Variants in GDNF observed in about 807,000 individuals in gnomAD.
The protein encoded by GDNF is glial cell line-derived neurotrophic factor.
In GDNF, 5 loss-of-function variants were observed where a neutral mutation model predicts 13.7. That is an observed-to-expected ratio of 0.36 (90% confidence interval 0.19 to 0.77). GDNF has a LOEUF of 0.77. GDNF is among the 30% of genes least tolerant of loss of function. The pLI is 0.51. For missense variants in GDNF, 246 were observed against 274.3 expected (o/e 0.90, Z 0.73); for synonymous variants, 122 against 112.5 (o/e 1.08, Z -0.53).
intron 2 of GDNF, among the ~76,000 whole-genome samples, 161 bp from the exon 3 acceptor site, chr5:37,816,296 CA>C (rs1156618822): frequency 2.0e-5 from 3 of 152,208 alleles, no homozygotes; most frequent in African/African-American, 4.8e-5. Context: ...AAAACAGAGG[CA>C]AAAATGCACA....
chr5:37,817,233 G>A (rs1437335995), intron 2 of GDNF, among the ~76,000 whole-genome samples: 1 of 152,182 alleles, frequency 6.6e-6, no homozygotes, highest in African/African-American at 2.4e-5. Context: ...TTCAGTGTTT[G>A]CTTTGGCCAA....
At chr5:37,828,803 T>C (rs1750421726) in intron 2 of GDNF, among the ~76,000 whole-genome samples, 1 of 152,250 alleles carries the variant, frequency 6.6e-6, no homozygotes, top group South Asian at 2.1e-4. Flanking sequence ...AGGTGCTAGG[T>C]CATTAACTTT....
rs923631131 is a variant in GDNF, at chr5:37,839,457, C to G, written c.-27+50G>C. On this transcript the variant is annotated intron_variant, in intron 1 of 2. Coordinates refer to ENST00000326524, the MANE Select transcript of GDNF (RefSeq NM_000514.4). The surrounding 1 kb of genome is among the most constrained non-coding windows in gnomAD (Gnocchi z 5.5). Reference sequence around the variant, plus strand: ...CCCTTCAGCCGGCCGCACCCACCCGCGACGCAGGCACCACCCGCTCCCTGC... The same window carrying G: ...CCCTTCAGCCGGCCGCACCCACCCGGGACGCAGGCACCACCCGCTCCCTGC... 1 of 153,126 alleles carries G rather than the reference C, an allele frequency of 6.5e-6. No homozygotes were observed. The highest frequency in any genetic ancestry group is 1.5e-5 in the Non-Finnish European group (1 of 68,820). 9.5% of individuals were successfully genotyped at this position (153,126 alleles called of 1,614,324 possible).
intron 2 of GDNF, among the ~76,000 whole-genome samples, chr5:37,830,842 G>A (rs1293896062): frequency 6.6e-6 from 1 of 152,208 alleles, no homozygotes; most frequent in Non-Finnish European, 1.5e-5. Context: ...AAGTGGCAAG[G>A]CTGGGGTCCA....
In GDNF at chr5:37,814,412, TGA is replaced by T. The variant is rs1749838163; in HGVS notation, c.*1237_*1238del. The T allele has an allele frequency of 6.6e-6, 1 of 152,322 alleles. No individual in the cohort carries two copies. The highest frequency in any genetic ancestry group is 2.4e-5 in the African/African-American group (1 of 41,462). 9.4% of individuals were successfully genotyped at this position (152,322 alleles called of 1,614,324 possible). On this transcript the variant is annotated 3_prime_UTR_variant, in exon 3 of 3. Transcript: ENST00000326524. ...GCTGCTCCAGGAAAGGGGGCTTGCCTGAGATGCTCCACAAATAAAAATTGGGA... is the reference window on the plus strand; with the variant it reads ...GCTGCTCCAGGAAAGGGGGCTTGCCTGATGCTCCACAAATAAAAATTGGGA...
chr5:37,836,187 G>A (rs983559192), intron 1 of GDNF, among the ~76,000 whole-genome samples: 18 of 147,876 alleles, frequency 1.2e-4, no homozygotes, highest in Admixed American at 2.7e-4. Flanking sequence ...ACGGTTCTTA[G>A]GAAAAACTCG....
intron 2 of GDNF, among the ~76,000 whole-genome samples, chr5:37,824,920 T>C (rs1750256138): frequency 6.6e-6 from 1 of 152,264 alleles, no homozygotes; most frequent in Admixed American, 6.5e-5. Context: ...CATCGATTTA[T>C]TTGAAAAGTA....
chr5:37,815,764 C>T lies in GDNF; in HGVS notation c.523G>A (p.Gly175Arg), dbSNP rs1386236780. 1.2e-6 allele frequency: 2 copies of T among 1,614,058 alleles called. No individual in the cohort carries two copies. The change falls in exon 3 of 3, where the codon GGG becomes AGG. Residue 175 changes from glycine (G) to arginine (R), a missense_variant. Coordinates refer to ENST00000326524, the MANE Select transcript of GDNF (RefSeq NM_000514.4). This position sits in a 1 kb window ranked among gnomAD's most constrained non-coding sequence, Gnocchi z 5.0. The stretch of plus-strand genomic sequence containing the variant: ...GCGATGGGTCTGCAACATGCCTGCC[C>T]TACTTTGTCACTCACCAGCCTTCTA... ...RNRRLVSDKV[G>R]QACCRPIAFD...
At chr5:37,834,907 C>T in intron 1 of GDNF, 85 bp from the exon 2 acceptor site, 2 of 1,242,000 alleles carry the variant, frequency 1.6e-6, no homozygotes, top group Non-Finnish European at 2.3e-6. Flanking sequence ...CGCCCCTCTC[C>T]AACCTCGTCA....
At chr5:37,835,711 T>G in intron 1 of GDNF, 2 of 1,489,306 alleles carry the variant, frequency 1.3e-6, no homozygotes, top group Non-Finnish European at 1.8e-6. Context: ...CTCTCTTGAC[T>G]GGATTTTTGC....
At position 37,815,936 on chromosome 5, in the gene GDNF, AC is replaced by A; in HGVS notation, c.350del (p.Gly117ValfsTer4). 6.2e-7 allele frequency: 1 copy of A among 1,614,074 alleles called. No homozygotes were observed. Among genetic ancestry groups the A allele is most frequent in the Non-Finnish European group, 8.5e-7 (1 of 1,180,006 alleles). ...GRRGQRGKNR[G>X]CVLTAIHLNV... Reference sequence around the variant, plus strand: ...TTAAATGTATTGCAGTTAAGACACAACCCCGGTTTTTGCCCCTCTGGCCTCT... The same window carrying A: ...TTAAATGTATTGCAGTTAAGACACAACCCGGTTTTTGCCCCTCTGGCCTCT... On this transcript the variant is annotated frameshift_variant, in exon 3 of 3. Coordinates refer to ENST00000326524, the MANE Select transcript of GDNF (RefSeq NM_000514.4). LOFTEE classifies it high-confidence loss of function. This position sits in a 1 kb window ranked among gnomAD's most constrained non-coding sequence, Gnocchi z 5.0.
intron 2 of GDNF, among the ~76,000 whole-genome samples, chr5:37,821,842 C>T (rs114350614): frequency 1.1e-4 from 16 of 152,210 alleles, no homozygotes; most frequent in African/African-American, 3.9e-4. Context: ...CCAAGTCCTC[C>T]CTGTAATAGC....
In GDNF at chr5:37,813,434, A is replaced by T. The variant is rs1749795598; in HGVS notation, c.*2217T>A. 1 of 152,124 alleles carries T rather than the reference A, an allele frequency of 6.6e-6. No individual in the cohort carries two copies. 9.4% of individuals were successfully genotyped at this position (152,124 alleles called of 1,614,324 possible). A position where few individuals can be genotyped will look rare whatever the true frequency, so the allele number is the denominator to read the frequency against. The stretch of plus-strand genomic sequence containing the variant: ...TCCTTAATGAAAATCCCTTTTATGA[A>T]ATGCGTAACAAGCTGTAATACAGGG... On this transcript the variant is annotated 3_prime_UTR_variant, in exon 3 of 3. Transcript: ENST00000326524.
At chr5:37,828,679 A>G (rs948983311) in intron 2 of GDNF, among the ~76,000 whole-genome samples, 1 of 152,214 alleles carries the variant, frequency 6.6e-6, no homozygotes, top group Admixed American at 6.5e-5. Context: ...ACAACTCTCT[A>G]GGTCTCCTTT....
chr5:37,823,978 G>C (rs1451993999), intron 2 of GDNF: 1 of 792,268 alleles, frequency 1.3e-6, no homozygotes, highest in Non-Finnish European at 1.5e-6. Flanking sequence ...AGGTATTTTA[G>C]AACTCTGCAG....
intron 2 of GDNF, among the ~76,000 whole-genome samples, chr5:37,833,915 A>G (rs1581590770): frequency 6.6e-6 from 1 of 152,240 alleles, no homozygotes; most frequent in Non-Finnish European, 1.5e-5. Flanking sequence ...CTTCTAAAAC[A>G]TGTTAATTTT....
chr5:37,836,561 G>T (rs1259026158), intron 1 of GDNF, among the ~76,000 whole-genome samples: 7 of 152,176 alleles, frequency 4.6e-5, no homozygotes, highest in African/African-American at 1.7e-4. Context: ...TAGGTTCTGG[G>T]TCGCGATGTG....
intron 2 of GDNF, among the ~76,000 whole-genome samples, chr5:37,831,366 C>G (rs1222481704): frequency 2.0e-5 from 3 of 152,234 alleles, no homozygotes; most frequent in Admixed American, 6.5e-5. Context: ...CTGGCACAGA[C>G]AGGCATACAT....
chr5:37,821,430 G>A (rs1433252151), intron 2 of GDNF, among the ~76,000 whole-genome samples: 2 of 152,012 alleles, frequency 1.3e-5, no homozygotes, highest in African/African-American at 2.4e-5. Flanking sequence ...AACCACAAAA[G>A]AGGAGCATCA....
Sources: gnomAD v4.1 joint callset for allele counts (sites outside exome capture counted in the v4.1 genomes callset) on GRCh38, gnomAD v4.1.1 for gene constraint, Gnocchi (gnomAD v3.1) non-coding constraint, MANE v1.5 for transcripts, NCBI Gene and HGNC (gene_info 2026-07-23, HGNC 2026-07-21) for gene names.